Variants in STPG2 observed in about 807,000 individuals in gnomAD.
The protein encoded by STPG2 is sperm-tail PG-rich repeat-containing protein 2.
STPG2 carries 56 observed loss-of-function variants against 54.2 expected under a neutral mutation model. That is an observed-to-expected ratio of 1.03 (90% confidence interval 0.83 to 1.29). The LOEUF (loss-of-function observed/expected upper bound fraction) is 1.29. STPG2 is among the 50% of genes most tolerant of loss of function. The probability of loss-of-function intolerance (pLI) is 0.00; values close to 1 mark genes in which losing one functional copy is unlikely to be tolerated. For missense variants in STPG2, 596 were observed against 544.9 expected, an observed-to-expected ratio of 1.09 and a Z score of -0.93; for synonymous variants, 200 against 181.8, an observed-to-expected ratio of 1.10 and a Z score of -0.81.
Position 98,038,228 on chromosome 4 carries a change from CAT to C in STPG2, c.613-56912_613-56911del, listed in dbSNP as rs202155274. On this transcript the variant is annotated intron_variant, in intron 5 of 10. Coordinates refer to ENST00000295268, the MANE Select transcript of STPG2 (RefSeq NM_174952.3). ...GATTCTAAAATTAATAACGGAAGAT[CAT>C]ATGTCTATGAAAAGCCAAGAAATAT... 8.6e-3 allele frequency among the ~76,000 whole-genome samples: 1,313 copies of C among 151,884 alleles called. 18 individuals are homozygous for C. Among genetic ancestry groups the C allele is most frequent in the African/African-American group, 0.03 (1,252 of 41,440 alleles).
At chr4:97,823,861 G>A (rs1728168739) in intron 9 of STPG2, among the ~76,000 whole-genome samples, 1 of 152,086 alleles carries the variant, frequency 6.6e-6, no homozygotes, top group South Asian at 2.1e-4. Flanking sequence ...AGAGTTAAAG[G>A]CCCCTCTTAC....
intron 10 of STPG2, among the ~76,000 whole-genome samples, chr4:97,565,420 T>C (rs996513319): frequency 6.6e-6 from 1 of 152,214 alleles, no homozygotes; most frequent in Non-Finnish European, 1.5e-5. Flanking sequence ...ATCTGAAGCC[T>C]TCTTCTCTCA....
At chr4:97,911,912 C>A (rs1172569289) in intron 8 of STPG2, among the ~76,000 whole-genome samples, 1 of 152,112 alleles carries the variant, frequency 6.6e-6, no homozygotes, top group Non-Finnish European at 1.5e-5. Context: ...AGTCTCCAGA[C>A]ACCTCCTACA....
At chr4:97,736,856 G>T (rs534272649) in intron 9 of STPG2, among the ~76,000 whole-genome samples, 1 of 152,314 alleles carries the variant, frequency 6.6e-6, no homozygotes, top group East Asian at 1.9e-4. Context: ...GAAGAGAGCA[G>T]TGGTTCTCCC....
At chr4:97,484,755 A>G (rs1183958539) in intron 4 of STPG2, among the ~76,000 whole-genome samples, 1 of 151,814 alleles carries the variant, frequency 6.6e-6, no homozygotes, top group Non-Finnish European at 1.5e-5. Flanking sequence ...GGATATAACA[A>G]AAAAAGAAAA....
chr4:97,568,764 T>C (rs937160995), intron 10 of STPG2, among the ~76,000 whole-genome samples: 1 of 152,124 alleles, frequency 6.6e-6, no homozygotes, highest in Non-Finnish European at 1.5e-5. Context: ...AAAGTGCTAA[T>C]AACAAACAAA....
intron 10 of STPG2, among the ~76,000 whole-genome samples, chr4:97,616,494 G>A (rs1295168085): frequency 6.6e-6 from 1 of 151,976 alleles, no homozygotes; most frequent in African/African-American, 2.4e-5. Flanking sequence ...AGAAACAGAA[G>A]GCTTTAGAGT....
chr4:98,050,031 T>C (rs1283682859), intron 5 of STPG2, among the ~76,000 whole-genome samples: 5 of 152,094 alleles, frequency 3.3e-5, no homozygotes, highest in African/African-American at 4.8e-5. Flanking sequence ...AAATATAATA[T>C]AATGAAGAGA....
At chr4:98,071,864 C>T (rs1738014281) in intron 5 of STPG2, among the ~76,000 whole-genome samples, 1 of 152,176 alleles carries the variant, frequency 6.6e-6, no homozygotes, top group Non-Finnish European at 1.5e-5. Flanking sequence ...GAGATACTAT[C>T]TCATGCCAGT....
chr4:97,734,219 G>A (rs1228531907), intron 9 of STPG2, among the ~76,000 whole-genome samples: 1 of 152,066 alleles, frequency 6.6e-6, no homozygotes, highest in African/African-American at 2.4e-5. Context: ...ATTATAAAAG[G>A]ATATTGAATT....
At chr4:97,581,964 T>C (rs1732873228) in intron 10 of STPG2, among the ~76,000 whole-genome samples, 2 of 152,032 alleles carry the variant, frequency 1.3e-5, no homozygotes, top group Non-Finnish European at 1.5e-5. Context: ...AAAAAAATTA[T>C]TCCACTTATT....
At chr4:97,679,349 T>C (rs1156488453) in intron 10 of STPG2, among the ~76,000 whole-genome samples, 1 of 152,106 alleles carries the variant, frequency 6.6e-6, no homozygotes, top group Non-Finnish European at 1.5e-5. Flanking sequence ...CTCATTGTGG[T>C]TTTGATTTGC....
intron 8 of STPG2, among the ~76,000 whole-genome samples, chr4:97,896,255 T>C (rs1276739016): frequency 6.6e-6 from 1 of 151,752 alleles, no homozygotes; most frequent in Non-Finnish European, 1.5e-5. Context: ...ATTATGGTAA[T>C]CATCATAACT....
intron 5 of STPG2, among the ~76,000 whole-genome samples, chr4:98,056,513 A>G (rs866844301): frequency 5.3e-5 from 8 of 152,170 alleles, no homozygotes; most frequent in Non-Finnish European, 1.0e-4. Flanking sequence ...CAAGTTCCCC[A>G]GAGTTAGAGC....
chr4:98,119,141 G>C (rs1739601578), intron 3 of STPG2, among the ~76,000 whole-genome samples: 1 of 152,022 alleles, frequency 6.6e-6, no homozygotes, highest in South Asian at 2.1e-4. Context: ...TATCTATTTA[G>C]TCTTAAAGTA....
intron 3 of STPG2, among the ~76,000 whole-genome samples, chr4:98,124,604 C>T (rs1023802953): frequency 1.3e-5 from 2 of 152,206 alleles, no homozygotes; most frequent in East Asian, 3.9e-4. Flanking sequence ...CTGACTGCCC[C>T]TTAACATGTT....
intron 10 of STPG2, among the ~76,000 whole-genome samples, chr4:97,603,612 C>T (rs1733520069): frequency 6.6e-6 from 1 of 151,142 alleles, no homozygotes; most frequent in Admixed American, 6.6e-5. Flanking sequence ...TATATATATA[C>T]ACACACATAT....
At chr4:97,880,376 G>A (rs1290693771) in intron 8 of STPG2, among the ~76,000 whole-genome samples, 2 of 152,168 alleles carry the variant, frequency 1.3e-5, no homozygotes, top group African/African-American at 4.8e-5. Context: ...GACAGAGCAA[G>A]TATGCCCAAA....
intron 8 of STPG2, among the ~76,000 whole-genome samples, chr4:97,940,180 A>G (rs1255323393): frequency 2.0e-5 from 3 of 152,146 alleles, no homozygotes; most frequent in Non-Finnish European, 2.9e-5. Flanking sequence ...TTAGCCTCAT[A>G]GAGATCCCTT....
Sources: allele counts gnomAD v4.1 joint callset (sites outside exome capture counted in the v4.1 genomes callset), GRCh38; gene constraint gnomAD v4.1.1; transcripts MANE v1.5; gene names NCBI Gene and HGNC (gene_info 2026-07-23, HGNC 2026-07-21).